Variants in PIBF1 observed in about 807,000 individuals in gnomAD.
The protein encoded by PIBF1 is progesterone-induced-blocking factor 1.
PIBF1 carries 90 observed loss-of-function variants against 112.5 expected under a neutral mutation model. The ratio of observed to expected loss-of-function variants is 0.80; its 90% CI spans 0.67 to 0.95. The LOEUF (loss-of-function observed/expected upper bound fraction) is 0.95, where lower values mean the gene tolerates loss of function less well. Among genes scored for constraint, PIBF1 ranks in the 40% least tolerant of loss-of-function variants. PIBF1 has a pLI of 0.00. For synonymous variants in PIBF1, 301 were observed against 288.6 expected, an observed-to-expected ratio of 1.04 and a Z score of -0.44; for missense variants, 915 against 852.3, an observed-to-expected ratio of 1.07 and a Z score of -0.92.
At chr13:72,948,396 C>T (rs2042206254) in intron 14 of PIBF1, among the ~76,000 whole-genome samples, 1 of 152,106 alleles carries the variant, frequency 6.6e-6, no homozygotes, top group East Asian at 1.9e-4. Flanking sequence ...CTGAAACTAC[C>T]TCAGTCAGCC....
In PIBF1 at chr13:73,015,881, G is replaced by C. The variant is rs1434084361; in HGVS notation, c.2236G>C (p.Ala746Pro). The C allele has an allele frequency of 6.3e-7, 1 of 1,581,408 alleles. No homozygotes were observed. Among genetic ancestry groups the C allele is most frequent in the Admixed American group, 1.8e-5 (1 of 56,468 alleles). The change falls in exon 18 of 18, where the codon GCA becomes CCA. Residue 746 changes from alanine (A) to proline (P), a missense_variant. Ala to Pro is a conservative substitution (Grantham distance 27, BLOSUM62 -1). Transcript: ENST00000326291. ...TTTTTTTAAACAGACTAAAAAAGAA[G>C]CACCTGAGTGGTCTAAGAAACAAAA... ...PKPTLFTKKE[A>P]PEWSKKQKMK...
At chr13:72,875,428 A>G (rs1282112238) in intron 10 of PIBF1, among the ~76,000 whole-genome samples, 1 of 152,100 alleles carries the variant, frequency 6.6e-6, no homozygotes, top group African/African-American at 2.4e-5. Context: ...AAAGAGTGTG[A>G]TCTTATGGTA....
At chr13:72,934,653 A>G (rs2041810926) in intron 14 of PIBF1, among the ~76,000 whole-genome samples, 1 of 152,242 alleles carries the variant, frequency 6.6e-6, no homozygotes, top group Non-Finnish European at 1.5e-5. Flanking sequence ...CTGAGATTGT[A>G]CATAAGTGAA....
At position 72,900,354 on chromosome 13, in the gene PIBF1, AC is replaced by A. The variant is rs1265941420; in HGVS notation, c.1488+6406del. On this transcript the variant is annotated intron_variant, in intron 11 of 17. Coordinates refer to ENST00000326291, the MANE Select transcript of PIBF1 (RefSeq NM_006346.4). The stretch of plus-strand genomic sequence containing the variant: ...ATCACACTACCTGATGTCAAACTAT[AC>A]TATAAGGCCATAGTCACCAAAACAG... Among the ~76,000 whole-genome samples the A allele has an allele frequency of 2.0e-5, 3 of 152,196 alleles. No individual in the cohort carries two copies. In the East Asian group the frequency reaches 5.8e-4, roughly 29 times the overall value.
Position 72,854,087 on chromosome 13 carries a change from G to C in PIBF1, c.1254G>C (p.Val418=), listed in dbSNP as rs200333064. 6.2e-6 allele frequency: 10 copies of C among 1,613,082 alleles called. No individual in the cohort carries two copies. The East Asian group carries it at 2.0e-4, about 32-fold the overall frequency. ...TCCGAGAAGCAAGGGATAATGCTGT[G>C]GCTGAAAAGGAACGAGCAGTGATGG... ...RNLREARDNA[V]AEKERAVMAE... Residue 418 remains valine (V), a synonymous_variant, in exon 10 of 18, where the codon GTG becomes GTC. Transcript: ENST00000326291.
intron 16 of PIBF1, among the ~76,000 whole-genome samples, chr13:72,997,508 G>GA (rs1566533155): frequency 6.6e-6 from 1 of 152,168 alleles, no homozygotes; most frequent in Non-Finnish European, 1.5e-5. Flanking sequence ...CATTTCTTCT[G>GA]ACACGTCTCG....
intron 9 of PIBF1, among the ~76,000 whole-genome samples, chr13:72,851,291 T>A (rs2038141140): frequency 6.6e-6 from 1 of 152,080 alleles, no homozygotes; most frequent in African/African-American, 2.4e-5. Context: ...GGAGCCCCCT[T>A]CCCCCACGGG....
intron 10 of PIBF1, among the ~76,000 whole-genome samples, chr13:72,863,178 T>A (rs567915963): frequency 6.6e-6 from 1 of 151,896 alleles, no homozygotes; most frequent in East Asian, 1.9e-4. Context: ...ACAGGCTATA[T>A]AACAAAGGAC....
intron 17 of PIBF1, among the ~76,000 whole-genome samples, chr13:73,005,124 G>A (rs539794428): frequency 5.3e-5 from 8 of 152,162 alleles, no homozygotes; most frequent in South Asian, 2.1e-4. Context: ...GTGATGAGCC[G>A]AGATCACGTC....
At chr13:72,825,314 T>C (rs17196441) in intron 6 of PIBF1, among the ~76,000 whole-genome samples, 31,893 of 152,128 alleles carry the variant, frequency 0.21, 3,426 homozygotes, top group Middle Eastern at 0.27. Context: ...TAAGAGACTA[T>C]CTTTAATCTT....
intron 16 of PIBF1, among the ~76,000 whole-genome samples, chr13:72,983,968 G>C (rs1227832223): frequency 6.6e-6 from 1 of 152,084 alleles, no homozygotes; most frequent in African/African-American, 2.4e-5. Flanking sequence ...AAGTTAAACT[G>C]TTTTCGATTT....
intron 9 of PIBF1, among the ~76,000 whole-genome samples, chr13:72,846,869 C>T (rs531262090): frequency 6.6e-6 from 1 of 152,244 alleles, no homozygotes; most frequent in South Asian, 2.1e-4. Context: ...GTCCTGGACT[C>T]CCAGGTACCA....
intron 16 of PIBF1, among the ~76,000 whole-genome samples, chr13:72,991,068 TCTATGTGTC>T (rs1269806581): frequency 6.6e-6 from 1 of 152,208 alleles, no homozygotes; most frequent in African/African-American, 2.4e-5. Context: ...AGAAATGCTA[TCTATGTGTC>T]TCCTTGCCAA....
At chr13:72,824,958 A>T (rs1377778246) in intron 6 of PIBF1, among the ~76,000 whole-genome samples, 1 of 152,194 alleles carries the variant, frequency 6.6e-6, no homozygotes, top group Non-Finnish European at 1.5e-5. Context: ...GCCTAACCTG[A>T]ATCTAATAAT....
chr13:72,908,391 CATT>C, intron 11 of PIBF1, 137 bp from the exon 12 acceptor site: 2 of 404,672 alleles, frequency 4.9e-6, no homozygotes, highest in South Asian at 8.4e-5. Flanking sequence ...TTAATTTCCT[CATT>C]AGTCATCTTA....
chr13:72,987,863 T>TTATTTTA (rs1566522313), intron 16 of PIBF1, among the ~76,000 whole-genome samples: 1 of 100,554 alleles, frequency 9.9e-6, no homozygotes, highest in African/African-American at 3.8e-5. Context: ...TATTTATTTT[T>TTATTTTA]TTTTTTTTTT....
At chr13:72,951,890 C>T (rs1229449213) in intron 14 of PIBF1, among the ~76,000 whole-genome samples, 6 of 151,966 alleles carry the variant, frequency 3.9e-5, no homozygotes, top group African/African-American at 7.2e-5. Context: ...TTAGTAGAGA[C>T]GGGGTTTCAC....
chr13:73,000,066 G>T (rs2043806570), intron 17 of PIBF1, among the ~76,000 whole-genome samples: 1 of 152,156 alleles, frequency 6.6e-6, no homozygotes, highest in Non-Finnish European at 1.5e-5. Context: ...TAAAATAAGG[G>T]ACAATTATTT....
chr13:72,981,750 A>G (rs917348157), intron 16 of PIBF1, among the ~76,000 whole-genome samples: 7 of 152,238 alleles, frequency 4.6e-5, no homozygotes, highest in Non-Finnish European at 8.8e-5. Flanking sequence ...CCAGGTGTAA[A>G]CATAGAAGAT....
Sources: gnomAD v4.1 joint callset for allele counts (sites outside exome capture counted in the v4.1 genomes callset) on GRCh38, gnomAD v4.1.1 for gene constraint, MANE v1.5 for transcripts, NCBI Gene and HGNC (gene_info 2026-07-23, HGNC 2026-07-21) for gene names.